The following AKAP13 variants were observed in gnomAD, a reference collection of about 807,000 sequenced individuals.
AKAP13 encodes A-kinase anchoring protein 13, also known as A-kinase anchor protein 13.
AKAP13 carries 80 observed loss-of-function variants against 264.5 expected under a neutral mutation model. The observed-to-expected ratio is 0.30, with a 90% CI of 0.25 to 0.36. AKAP13 has a LOEUF of 0.36. AKAP13 is among the 10% of genes least tolerant of loss of function. AKAP13 has a pLI of 1.00. For synonymous variants in AKAP13, 1,380 were observed against 1,250.2 expected (o/e 1.10, Z -2.19); for missense variants, 3,712 against 3,435.2 (o/e 1.08, Z -2.01).
chr15:85,667,775 G>A (rs1253965921), intron 13 of AKAP13, among the ~76,000 whole-genome samples: 1 of 152,116 alleles, frequency 6.6e-6, no homozygotes, highest in East Asian at 1.9e-4. Flanking sequence ...TTTTGGAGTA[G>A]GTGAGTTTTC....
rs536712336 is a variant in AKAP13 at position 85,697,910 on chromosome 15, A to G, written c.5464+4459A>G. On this transcript the variant is annotated intron_variant, in intron 17 of 36. Coordinates refer to ENST00000394518, the MANE Select transcript of AKAP13 (RefSeq NM_007200.5). ...CCTTGATCTTATATGAAGTCAATCA[A>G]CAAAGTTCATTTGACTGAATTCTGC... 1.6e-3 allele frequency among the ~76,000 whole-genome samples: 248 copies of G among 152,316 alleles called. 2 individuals are homozygous for G. Among genetic ancestry groups the G allele is most frequent in the African/African-American group, 5.7e-3 (235 of 41,566 alleles).
At chr15:85,459,480 T>C (rs906273484) in intron 1 of AKAP13, among the ~76,000 whole-genome samples, 1 of 150,664 alleles carries the variant, frequency 6.6e-6, no homozygotes, top group Admixed American at 6.6e-5. Flanking sequence ...ATTACAAGCC[T>C]GAGCCACCAC....
chr15:85,461,233 A>C (rs1388648208), intron 1 of AKAP13, among the ~76,000 whole-genome samples: 1 of 152,122 alleles, frequency 6.6e-6, no homozygotes, highest in African/African-American at 2.4e-5. Flanking sequence ...CTCCTGCCTC[A>C]GCCTCCCAAG....
At chr15:85,683,999 T>C (rs2084757125) in intron 15 of AKAP13, among the ~76,000 whole-genome samples, 1 of 152,168 alleles carries the variant, frequency 6.6e-6, no homozygotes, top group African/African-American at 2.4e-5. Context: ...GTCCTGATTG[T>C]CCCGTGTGCC....
intron 2 of AKAP13, among the ~76,000 whole-genome samples, chr15:85,511,134 C>A (rs1004754710): frequency 6.6e-6 from 1 of 152,182 alleles, no homozygotes; most frequent in Admixed American, 6.5e-5. Context: ...TTTAAAAAGT[C>A]ATTCCTTTTA....
At chr15:85,484,400 G>A (rs1024989869) in intron 1 of AKAP13, among the ~76,000 whole-genome samples, 5 of 152,242 alleles carry the variant, frequency 3.3e-5, no homozygotes, top group Admixed American at 1.3e-4. Flanking sequence ...TAGTCAGGAA[G>A]GAAAGAGTGC....
intron 1 of AKAP13, among the ~76,000 whole-genome samples, chr15:85,458,386 G>GTTTTTTTTTT (rs1160050565): frequency 1.9e-4 from 20 of 103,926 alleles, no homozygotes; most frequent in African/African-American, 9.7e-4. Context: ...TGTATTTTTT[G>GTTTTTTTTTT]TTTTTTGTTT....
chr15:85,553,081 A>G (rs2078017774), intron 5 of AKAP13, among the ~76,000 whole-genome samples: 1 of 124,106 alleles, frequency 8.1e-6, no homozygotes, highest in African/African-American at 3.2e-5. Flanking sequence ...AACATCTGTA[A>G]TTCTTTTTTT....
At chr15:85,644,293 G>A (rs565804137) in intron 9 of AKAP13, among the ~76,000 whole-genome samples, 15 of 149,656 alleles carry the variant, frequency 1.0e-4, no homozygotes, top group African/African-American at 3.7e-4. Context: ...GTGCAATGGC[G>A]TGATCTTGGC....
chr15:85,740,140 C>G (rs775222385), intron 33 of AKAP13, 82 bp from the exon 34 acceptor site: 1 of 1,418,966 alleles, frequency 7.0e-7, no homozygotes, highest in Non-Finnish European at 9.9e-7. Context: ...AAGGAGCCAT[C>G]TTATCAGGTA....
At chr15:85,556,912 G>T (rs1344730060) in intron 5 of AKAP13, among the ~76,000 whole-genome samples, 1 of 152,128 alleles carries the variant, frequency 6.6e-6, no homozygotes, top group Admixed American at 6.5e-5. Flanking sequence ...GTGAAGATTT[G>T]GATTTGCGTT....
At position 85,533,219 on chromosome 15, in the gene AKAP13, T is replaced by A. The variant is rs151088444; in HGVS notation, c.182-365T>A. On this transcript the variant is annotated intron_variant, in intron 3 of 36. Transcript: ENST00000394518. The stretch of plus-strand genomic sequence containing the variant: ...ATTTAGTTCAGTAGCTATTGGACTT[T>A]CCATCATATGCTATGCCTTGAAGGT... 5.2e-3 allele frequency among the ~76,000 whole-genome samples: 794 copies of A among 152,314 alleles called. 1 individual carries two copies. The highest frequency in any genetic ancestry group is 0.037 in the Middle Eastern group (11 of 294).
chr15:85,519,749 T>C (rs1054526279), intron 2 of AKAP13, among the ~76,000 whole-genome samples: 1 of 152,216 alleles, frequency 6.6e-6, no homozygotes, highest in African/African-American at 2.4e-5. Flanking sequence ...ATGGACCCAC[T>C]GGAGCATTGT....
intron 19 of AKAP13, among the ~76,000 whole-genome samples, chr15:85,714,230 G>GT (rs1322096958): frequency 1.3e-5 from 2 of 152,192 alleles, no homozygotes; most frequent in Non-Finnish European, 2.9e-5. Context: ...TATATTTACT[G>GT]TTTGTTAAGT....
At position 85,553,149 on chromosome 15, in the gene AKAP13, C is replaced by T. The variant is rs530866481; in HGVS notation, c.662+9194C>T. Among the ~76,000 whole-genome samples, 14 of 141,954 alleles carry T rather than the reference C, an allele frequency of 9.9e-5. No homozygotes were observed. In the South Asian group the frequency reaches 2.7e-3, roughly 27 times the overall value. The allele number at this position is 141,954 out of a possible 152,430, so 93.1% of individuals were successfully genotyped here. On this transcript the variant is annotated intron_variant, in intron 5 of 36. Transcript: ENST00000394518. The stretch of plus-strand genomic sequence containing the variant: ...TTGCCCAATTTGGAGTGCAATGGCG[C>T]GATCTCAGCTCACTGCAACCTCCAC...
At chr15:85,732,578 C>G (rs2088130561) in intron 30 of AKAP13, among the ~76,000 whole-genome samples, 1 of 150,450 alleles carries the variant, frequency 6.6e-6, no homozygotes, top group South Asian at 2.1e-4. Flanking sequence ...AAACTGTGGA[C>G]TACAGTGTTT....
At chr15:85,511,089 C>T (rs544033528) in intron 2 of AKAP13, among the ~76,000 whole-genome samples, 3 of 152,242 alleles carry the variant, frequency 2.0e-5, no homozygotes, top group Admixed American at 6.5e-5. Flanking sequence ...TTTCTTCAGA[C>T]GTCTCTCTTC....
At chr15:85,421,653 C>G (rs2072529551) in intron 1 of AKAP13, among the ~76,000 whole-genome samples, 1 of 152,226 alleles carries the variant, frequency 6.6e-6, no homozygotes, top group South Asian at 2.1e-4. Context: ...CTAATATTCA[C>G]TCTTGTCCAG....
In AKAP13 at chr15:85,743,479, TG is replaced by T; in HGVS notation, c.8059-12del. 1 of 1,606,078 alleles carries T rather than the reference TG, an allele frequency of 6.2e-7. No individual in the cohort carries two copies. The highest frequency in any genetic ancestry group is 8.5e-7 in the Non-Finnish European group (1 of 1,174,526). Reference sequence around the variant, plus strand: ...AGCCTCCAAGTGAAAACCCTTCTCTTGAATATGTACAGGTTTCCCATCCACA... The same window carrying T: ...AGCCTCCAAGTGAAAACCCTTCTCTTAATATGTACAGGTTTCCCATCCACA... On this transcript the variant is annotated splice_polypyrimidine_tract_variant and intron_variant, in intron 35 of 36. Transcript: ENST00000394518.
Sources: allele counts gnomAD v4.1 joint callset (sites outside exome capture counted in the v4.1 genomes callset), GRCh38; gene constraint gnomAD v4.1.1; transcripts MANE v1.5; gene names NCBI Gene and HGNC (gene_info 2026-07-23, HGNC 2026-07-21).